Variants in AGPAT4 observed in about 807,000 individuals in gnomAD.
AGPAT4 encodes the protein 1-acylglycerol-3-phosphate O-acyltransferase 4.
Under a neutral mutation model 48.0 loss-of-function variants are expected in AGPAT4, and 15 were observed. That is an observed-to-expected ratio of 0.31 (90% CI 0.21 to 0.48). AGPAT4 has a LOEUF of 0.48. Ranked by LOEUF, AGPAT4 falls within the 20% of genes least tolerant of loss-of-function variation. The pLI is 0.99. For missense variants in AGPAT4, 314 were observed against 482.5 expected, an observed-to-expected ratio of 0.65 and a Z score of 3.27; for synonymous variants, 178 against 198.7, an observed-to-expected ratio of 0.90 and a Z score of 0.88.
At chr6:161,271,816 C>T (rs1417360338) in intron 1 of AGPAT4, among the ~76,000 whole-genome samples, 1 of 152,192 alleles carries the variant, frequency 6.6e-6, no homozygotes, top group Non-Finnish European at 1.5e-5. Flanking sequence ...ACCGACATCG[C>T]AGACTTTGAT....
In AGPAT4 at chr6:161,243,402, C is replaced by T. The variant is rs974322998; in HGVS notation, c.-89-11100G>A. On this transcript the variant is annotated intron_variant, in intron 1 of 8. Transcript: ENST00000320285. The surrounding 1 kb of genome is among the most constrained non-coding windows in gnomAD (Gnocchi z 4.8). ...AAACCACCTCCCACTCTACCCCCAC[C>T]GTCACCAAGGCAACGTGGTCAGGAC... Among the ~76,000 whole-genome samples, 4 of 152,200 alleles carry T rather than the reference C, an allele frequency of 2.6e-5. No homozygotes were observed. The highest frequency in any genetic ancestry group is 7.2e-5 in the African/African-American group (3 of 41,464).
chr6:161,173,398 T>C (rs1431835794), intron 2 of AGPAT4, among the ~76,000 whole-genome samples: 1 of 152,250 alleles, frequency 6.6e-6, no homozygotes, highest in East Asian at 1.9e-4. Context: ...TGGCCAGTGA[T>C]GATGAGCATT....
At position 161,177,975 on chromosome 6, in the gene AGPAT4, G is replaced by A. The variant is rs945060939; in HGVS notation, c.179-11558C>T. Among the ~76,000 whole-genome samples, 1 of 152,324 alleles carries A rather than the reference G, an allele frequency of 6.6e-6. No homozygotes were observed. The highest frequency in any genetic ancestry group is 2.1e-4 in the South Asian group (1 of 4,822). Reference sequence around the variant, plus strand: ...AGGCTGCAGAACAGCAAATATTACAGAACAGCAAATGTTGCTGCCTGATCC... The same window carrying A: ...AGGCTGCAGAACAGCAAATATTACAAAACAGCAAATGTTGCTGCCTGATCC... On this transcript the variant is annotated intron_variant, in intron 2 of 8. Coordinates refer to ENST00000320285, the MANE Select transcript of AGPAT4 (RefSeq NM_020133.3). This position sits in a 1 kb window ranked among gnomAD's most constrained non-coding sequence, Gnocchi z 5.0.
In AGPAT4 at chr6:161,188,732, G is replaced by A. The variant is rs981156263; in HGVS notation, c.179-22315C>T. On this transcript the variant is annotated intron_variant, in intron 2 of 8. Coordinates refer to ENST00000320285, the MANE Select transcript of AGPAT4 (RefSeq NM_020133.3). The stretch of plus-strand genomic sequence containing the variant: ...CAGCAGTCACCATGGTAACAAGCAC[G>A]GCCGTGCCTCTGGGAGGGCAGCTTG... 3.3e-5 allele frequency among the ~76,000 whole-genome samples: 5 copies of A among 152,134 alleles called. No homozygotes were observed. In the East Asian group the frequency reaches 7.7e-4, roughly 23 times the overall value.
intron 2 of AGPAT4, among the ~76,000 whole-genome samples, chr6:161,170,885 C>T (rs1384725658): frequency 6.6e-6 from 1 of 152,246 alleles, no homozygotes; most frequent in East Asian, 1.9e-4. Flanking sequence ...CTTCCACTCT[C>T]ACCATCAGTT....
At chr6:161,168,268 A>G (rs1320393133) in intron 2 of AGPAT4, among the ~76,000 whole-genome samples, 1 of 152,184 alleles carries the variant, frequency 6.6e-6, no homozygotes, top group Non-Finnish European at 1.5e-5. Context: ...GGGAAGGATC[A>G]ATCTACTCCA....
At chr6:161,191,731 A>AG (rs1435705169) in intron 2 of AGPAT4, among the ~76,000 whole-genome samples, 3 of 152,248 alleles carry the variant, frequency 2.0e-5, no homozygotes, top group Admixed American at 2.0e-4. Context: ...TGTCAGATAC[A>AG]GATTACATGA....
At chr6:161,210,023 G>GTTAACCCT (rs1161317225) in intron 2 of AGPAT4, among the ~76,000 whole-genome samples, 1 of 152,070 alleles carries the variant, frequency 6.6e-6, no homozygotes, top group Admixed American at 6.6e-5. Context: ...GAACGTCTCT[G>GTTAACCCT]TTTAAAAAAA....
rs1461712659 is a variant in AGPAT4 at position 161,270,119 on chromosome 6, T to C, written c.-90+3819A>G. On this transcript the variant is annotated intron_variant, in intron 1 of 8. Coordinates refer to ENST00000320285, the MANE Select transcript of AGPAT4 (RefSeq NM_020133.3). The surrounding 1 kb of genome is among the most constrained non-coding windows in gnomAD (Gnocchi z 5.3). The stretch of plus-strand genomic sequence containing the variant: ...TATCTGCCAGTCATGGGGTTTCCCT[T>C]GTAAACCCATTTGAAAACTATAACT... Among the ~76,000 whole-genome samples, 7 of 152,244 alleles carry C rather than the reference T, an allele frequency of 4.6e-5. No individual in the cohort carries two copies. Among genetic ancestry groups the C allele is most frequent in the East Asian group, 1.9e-4 (1 of 5,202 alleles).
In AGPAT4 at chr6:161,161,479, G is replaced by A. The variant is rs1433848245; in HGVS notation, c.348+4769C>T. ...CGTCCCAGCCCATTCCTAGTGCAAG[G>A]TCTGTGCCTGCAGAGCTGATGAATT... On this transcript the variant is annotated intron_variant, in intron 3 of 8. Transcript: ENST00000320285. The surrounding 1 kb of genome is among the most constrained non-coding windows in gnomAD (Gnocchi z 4.6). 4.4e-6 allele frequency: 2 copies of A among 456,616 alleles called. No individual in the cohort carries two copies. The highest frequency in any genetic ancestry group is 4.0e-5 in the African/African-American group (2 of 50,076). 28.3% of individuals were successfully genotyped at this position (456,616 alleles called of 1,614,324 possible).
At chr6:161,191,870 T>A (rs1010828640) in intron 2 of AGPAT4, among the ~76,000 whole-genome samples, 2 of 152,222 alleles carry the variant, frequency 1.3e-5, no homozygotes, top group African/African-American at 4.8e-5. Context: ...GCTGGTTTGA[T>A]TTCCTGACTA....
rs1333628547 is a variant in AGPAT4, at chr6:161,137,928, G to GT, written c.1043-1295_1043-1294insA. ...CGCCCTGTGTCCACACTGCACCCTG[G>GT]GCAGTGCTCAGGCTTCTTTTTTTGG... On this transcript the variant is annotated intron_variant, in intron 8 of 8. Coordinates refer to ENST00000320285, the MANE Select transcript of AGPAT4 (RefSeq NM_020133.3). The surrounding 1 kb of genome is among the most constrained non-coding windows in gnomAD (Gnocchi z 6.1). Among the ~76,000 whole-genome samples, 63 of 152,232 alleles carry GT rather than the reference G, an allele frequency of 4.1e-4. No individual in the cohort carries two copies. Among genetic ancestry groups the GT allele is most frequent in the African/African-American group, 1.4e-3 (60 of 41,546 alleles).
chr6:161,178,255 G>T lies in AGPAT4; in HGVS notation c.179-11838C>A, dbSNP rs2114990136. ...AGGTGGAGTCTACAGAGGCATGCAG[G>T]CCTCCTTGAGCTGCGGTGGGCTCCA... On this transcript the variant is annotated intron_variant, in intron 2 of 8. Coordinates refer to ENST00000320285, the MANE Select transcript of AGPAT4 (RefSeq NM_020133.3). The surrounding 1 kb of genome is among the most constrained non-coding windows in gnomAD (Gnocchi z 5.1). Among the ~76,000 whole-genome samples, 1 of 152,300 alleles carries T rather than the reference G, an allele frequency of 6.6e-6. No homozygotes were observed. The highest frequency in any genetic ancestry group is 6.5e-5 in the Admixed American group (1 of 15,296).
At chr6:161,185,142 TAA>T (rs11299421) in intron 2 of AGPAT4, among the ~76,000 whole-genome samples, 239 of 135,076 alleles carry the variant, frequency 1.8e-3, no homozygotes, top group Middle Eastern at 3.9e-3. Context: ...TCCAAATGTT[TAA>T]AAAAAAAAAA....
At position 161,166,604 on chromosome 6, in the gene AGPAT4, T is replaced by G. The variant is rs1780106868; in HGVS notation, c.179-187A>C. Reference sequence around the variant, plus strand: ...AAGCGGAAGGAAACACGAGAAAGACTTCACAACATTCTCCAGGGAAGAAGA... The same window carrying G: ...AAGCGGAAGGAAACACGAGAAAGACGTCACAACATTCTCCAGGGAAGAAGA... On this transcript the variant is annotated intron_variant, in intron 2 of 8. Transcript: ENST00000320285. This position sits in a 1 kb window ranked among gnomAD's most constrained non-coding sequence, Gnocchi z 6.7. Among the ~76,000 whole-genome samples the G allele has an allele frequency of 1.3e-5, 2 of 152,076 alleles. No homozygotes were observed. Among genetic ancestry groups the G allele is most frequent in the African/African-American group, 2.4e-5 (1 of 41,396 alleles).
chr6:161,174,518 G>A lies in AGPAT4; in HGVS notation c.179-8101C>T, dbSNP rs939785625. On this transcript the variant is annotated intron_variant, in intron 2 of 8. Coordinates refer to ENST00000320285, the MANE Select transcript of AGPAT4 (RefSeq NM_020133.3). Reference sequence around the variant, plus strand: ...TTTTGTATCCTGAGACTTTGCTGACGTTGTTTATCAGCTTAAGGAGATTTT... The same window carrying A: ...TTTTGTATCCTGAGACTTTGCTGACATTGTTTATCAGCTTAAGGAGATTTT... Among the ~76,000 whole-genome samples the A allele has an allele frequency of 3.9e-5, 6 of 152,290 alleles. No individual in the cohort carries two copies. In the South Asian group the frequency reaches 6.2e-4, roughly 16 times the overall value.
intron 2 of AGPAT4, among the ~76,000 whole-genome samples, chr6:161,211,825 T>A (rs372826732): frequency 1.3e-5 from 2 of 152,152 alleles, no homozygotes; most frequent in African/African-American, 4.8e-5. Flanking sequence ...CCTACTAAAT[T>A]TTAAACACTG....
rs1390505508 is a variant in AGPAT4 at position 161,164,706 on chromosome 6, A to C, written c.348+1542T>G. ...CTAAGGATTAGAAATTACGGAAATA[A>C]GGTGAACAGCACACGGAGTGAGCTC... is the stretch of plus-strand genomic sequence containing the variant. On this transcript the variant is annotated intron_variant, in intron 3 of 8. Transcript: ENST00000320285. The surrounding 1 kb of genome is among the most constrained non-coding windows in gnomAD (Gnocchi z 7.4). 1.3e-5 allele frequency among the ~76,000 whole-genome samples: 2 copies of C among 152,234 alleles called. No individual in the cohort carries two copies. The highest frequency in any genetic ancestry group is 4.8e-5 in the African/African-American group (2 of 41,466).
Position 161,196,701 on chromosome 6 carries a change from T to G in AGPAT4, c.179-30284A>C, listed in dbSNP as rs1205899710. On this transcript the variant is annotated intron_variant, in intron 2 of 8. Coordinates refer to ENST00000320285, the MANE Select transcript of AGPAT4 (RefSeq NM_020133.3). This position sits in a 1 kb window ranked among gnomAD's most constrained non-coding sequence, Gnocchi z 4.3. Reference sequence around the variant, plus strand: ...GTTTGCAGCTGTAGTCCCAGCTACTTGGGAGGCTGAGGCAGGAGAATCGCT... The same window carrying G: ...GTTTGCAGCTGTAGTCCCAGCTACTGGGGAGGCTGAGGCAGGAGAATCGCT... Among the ~76,000 whole-genome samples, 1 of 150,970 alleles carries G rather than the reference T, an allele frequency of 6.6e-6. No homozygotes were observed. Among genetic ancestry groups the G allele is most frequent in the East Asian group, 1.9e-4 (1 of 5,130 alleles).
Sources: gnomAD v4.1 joint callset for allele counts (sites outside exome capture counted in the v4.1 genomes callset) on GRCh38, gnomAD v4.1.1 for gene constraint, Gnocchi (gnomAD v3.1) non-coding constraint, MANE v1.5 for transcripts, NCBI Gene and HGNC (gene_info 2026-07-23, HGNC 2026-07-21) for gene names.